PARN: variants seen among roughly 807,000 people sequenced by gnomAD.
PARN encodes poly(A)-specific ribonuclease.
In PARN, 71 loss-of-function variants were observed where a neutral mutation model predicts 102.8. The ratio of observed to expected loss-of-function variants is 0.69; its 90% CI spans 0.57 to 0.84. PARN has a LOEUF of 0.84. Among genes scored for constraint, PARN ranks in the 40% least tolerant of loss-of-function variants. PARN has a pLI of 0.00. For missense variants in PARN, 782 were observed against 760.9 expected (o/e 1.03, Z -0.33); for synonymous variants, 261 against 252.9 (o/e 1.03, Z -0.30).
At chr16:14,484,095 C>A (rs899175896) in intron 21 of PARN, among the ~76,000 whole-genome samples, 2 of 152,214 alleles carry the variant, frequency 1.3e-5, no homozygotes, top group Admixed American at 1.3e-4. Context: ...GACAGCTGCA[C>A]AATACTTAGG....
At chr16:14,505,502 CAT>C (rs957848862) in intron 21 of PARN, among the ~76,000 whole-genome samples, 4 of 151,992 alleles carry the variant, frequency 2.6e-5, no homozygotes, top group African/African-American at 4.8e-5. Context: ...CACACACACA[CAT>C]ACACACACAA....
At chr16:14,441,740 T>C (rs1057471838) in intron 23 of PARN, among the ~76,000 whole-genome samples, 1 of 152,200 alleles carries the variant, frequency 6.6e-6, no homozygotes, top group Non-Finnish European at 1.5e-5. Context: ...CACTTGAACA[T>C]AGTAATTAAA....
At chr16:14,510,022 A>C (rs1319832785) in intron 21 of PARN, among the ~76,000 whole-genome samples, 1 of 152,202 alleles carries the variant, frequency 6.6e-6, no homozygotes, top group Non-Finnish European at 1.5e-5. Context: ...AAACACCCCA[A>C]CAGAACAATG....
At chr16:14,592,942 C>G (rs951140071) in intron 13 of PARN, among the ~76,000 whole-genome samples, 1 of 152,094 alleles carries the variant, frequency 6.6e-6, no homozygotes, top group Non-Finnish European at 1.5e-5. Flanking sequence ...TCGAGAACAA[C>G]CTGGCCAATA....
rs936673910 is a variant in PARN at position 14,568,685 on chromosome 16, G to A, written c.1262+12189C>T. 7.9e-5 allele frequency among the ~76,000 whole-genome samples: 12 copies of A among 151,884 alleles called. No homozygotes were observed. In the East Asian group the frequency reaches 1.7e-3, roughly 22 times the overall value. On this transcript the variant is annotated intron_variant, in intron 18 of 23. Transcript: ENST00000437198. ...AGCACTTTGGGAGGCTGAGGCGGGC[G>A]GAGATCAAGACTATCCTGTCCAACA...
At chr16:14,612,512 C>T (rs17261214) in intron 6 of PARN, among the ~76,000 whole-genome samples, 4,300 of 152,250 alleles carry the variant, frequency 0.028, 84 homozygotes, top group Non-Finnish European at 0.041. Flanking sequence ...GGGCCACTAA[C>T]TGATGTGAAG....
At chr16:14,498,980 C>T (rs952569939) in intron 21 of PARN, among the ~76,000 whole-genome samples, 6 of 152,198 alleles carry the variant, frequency 3.9e-5, no homozygotes, top group African/African-American at 1.4e-4. Flanking sequence ...CAAATGGTGG[C>T]GCAAATCTGA....
intron 18 of PARN, among the ~76,000 whole-genome samples, chr16:14,577,869 T>C (rs1465475174): frequency 1.3e-5 from 2 of 150,324 alleles, no homozygotes; most frequent in South Asian, 2.1e-4. Flanking sequence ...GGTTTCGCCA[T>C]GTTGGCCAGG....
intron 21 of PARN, among the ~76,000 whole-genome samples, chr16:14,535,936 A>G (rs1033985990): frequency 6.6e-6 from 1 of 152,188 alleles, no homozygotes; most frequent in Non-Finnish European, 1.5e-5. Flanking sequence ...TGCTAGCCAT[A>G]TTAAGAGTTT....
chr16:14,617,210 CTG>C (rs1158029689), intron 6 of PARN, among the ~76,000 whole-genome samples: 3 of 151,208 alleles, frequency 2.0e-5, no homozygotes, highest in African/African-American at 7.3e-5. Context: ...CGGTGAAACC[CTG>C]TCTCTACTAA....
chr16:14,592,246 A>T (rs984110361), intron 13 of PARN, among the ~76,000 whole-genome samples: 2 of 151,928 alleles, frequency 1.3e-5, no homozygotes, highest in South Asian at 4.1e-4. Flanking sequence ...TAAATATCTC[A>T]TTTGAGCCAC....
At chr16:14,593,491 TTAAAAA>T (rs1970321503) in intron 12 of PARN, 113 bp from the exon 13 acceptor site, 11 of 27,434 alleles carry the variant, frequency 4.0e-4, no homozygotes, top group Non-Finnish European at 7.4e-4. Flanking sequence ...CTTTCCAGAC[TTAAAAA>T]AAAAAAAAAA....
Position 14,630,195 on chromosome 16 carries a change from T to A in PARN, c.-70A>T, listed in dbSNP as rs1972961816. The A allele has an allele frequency of 7.1e-7, 1 of 1,411,176 alleles. No individual in the cohort carries two copies. The highest frequency in any genetic ancestry group is 1.5e-5 in the African/African-American group (1 of 68,934). 87.4% of individuals were successfully genotyped at this position (1,411,176 alleles called of 1,614,324 possible). A position where few individuals can be genotyped will look rare whatever the true frequency, so the allele number is the denominator to read the frequency against. ...GCCTCAGCGGTTCTACTCGCCGAATTCCGCGGCGACTGCGGCAGTAGCTGA... is the reference window on the plus strand; with the variant it reads ...GCCTCAGCGGTTCTACTCGCCGAATACCGCGGCGACTGCGGCAGTAGCTGA... On this transcript the variant is annotated 5_prime_UTR_variant, in exon 1 of 24. Transcript: ENST00000437198.
At chr16:14,548,426 G>A (rs1258372345) in intron 21 of PARN, among the ~76,000 whole-genome samples, 1 of 152,030 alleles carries the variant, frequency 6.6e-6, no homozygotes, top group Non-Finnish European at 1.5e-5. Flanking sequence ...CATGCAAAAA[G>A]GCATTTCCAA....
At chr16:14,444,707 T>C (rs1298972877) in intron 23 of PARN, among the ~76,000 whole-genome samples, 1 of 152,220 alleles carries the variant, frequency 6.6e-6, no homozygotes, top group Non-Finnish European at 1.5e-5. Context: ...CTAGAAATCA[T>C]GCTGACATTC....
At chr16:14,611,457 C>A (rs1435716889) in intron 6 of PARN, among the ~76,000 whole-genome samples, 1 of 152,192 alleles carries the variant, frequency 6.6e-6, no homozygotes, top group African/African-American at 2.4e-5. Flanking sequence ...ATGATGACTA[C>A]TCTGAGAGTG....
rs1182231474 is a variant in PARN at position 14,627,794 on chromosome 16, C to T, written c.177+378G>A. Among the ~76,000 whole-genome samples, 2 of 151,926 alleles carry T rather than the reference C, an allele frequency of 1.3e-5. 1 individual carries two copies. The highest frequency in any genetic ancestry group is 1.3e-4 in the Admixed American group (2 of 15,234). On this transcript the variant is annotated intron_variant, in intron 3 of 23. Transcript: ENST00000437198. ...TTTGACGCCAGAAGTTCGAGACCAG[C>T]CTGGTCAACAAAGTGAGACCGATCT...
At chr16:14,541,507 G>A (rs994555790) in intron 21 of PARN, among the ~76,000 whole-genome samples, 6 of 152,018 alleles carry the variant, frequency 3.9e-5, no homozygotes, top group Admixed American at 2.0e-4. Context: ...ATGGAGTCTC[G>A]CTCTGTCACC....
chr16:14,599,519 C>G (rs1970749755), intron 12 of PARN, among the ~76,000 whole-genome samples: 1 of 152,138 alleles, frequency 6.6e-6, no homozygotes, highest in Non-Finnish European at 1.5e-5. Context: ...TATTTTTACC[C>G]TCTAGATTCT....
Sources: allele counts gnomAD v4.1 joint callset (sites outside exome capture counted in the v4.1 genomes callset), GRCh38; gene constraint gnomAD v4.1.1; transcripts MANE v1.5; gene names NCBI Gene and HGNC (gene_info 2026-07-23, HGNC 2026-07-21).